Variants in RIC1 observed in about 807,000 individuals in gnomAD.
RIC1 encodes the protein guanine nucleotide exchange factor subunit RIC1.
RIC1 carries 88 observed loss-of-function variants against 169.0 expected under a neutral mutation model. That is an observed-to-expected ratio of 0.52 (90% CI 0.44 to 0.62). The LOEUF (loss-of-function observed/expected upper bound fraction) is 0.62. Among genes scored for constraint, RIC1 ranks in the 20% least tolerant of loss-of-function variants. The probability of loss-of-function intolerance (pLI) is 0.00; values close to 1 mark genes in which losing one functional copy is unlikely to be tolerated. For synonymous variants in RIC1, 790 were observed against 601.5 expected (o/e 1.31, Z -4.59); for missense variants, 1,877 against 1,725.5 (o/e 1.09, Z -1.56).
At chr9:5,720,572 T>C in intron 5 of RIC1, 42 bp from the exon 6 acceptor site, 1 of 1,537,114 alleles carries the variant, frequency 6.5e-7, no homozygotes, top group Non-Finnish European at 8.7e-7. Context: ...AGTAATTTAT[T>C]ATATTCTTAA....
In RIC1 at chr9:5,764,817, A is replaced by G. The variant is rs555936742; in HGVS notation, c.2842-597A>G. On this transcript the variant is annotated intron_variant, in intron 19 of 25. Transcript: ENST00000414202. ...CCTGACAATGTAATTTTTTTCTGCA[A>G]CAGAATTCCTAAGTTGCTATGGATT... Among the ~76,000 whole-genome samples the G allele has an allele frequency of 5.3e-5, 8 of 152,326 alleles. 1 individual carries two copies. In the South Asian group the frequency reaches 1.7e-3, roughly 32 times the overall value.
chr9:5,742,817 G>C, intron 8 of RIC1, 52 bp from the exon 9 acceptor site: 1 of 940,160 alleles, frequency 1.1e-6, no homozygotes, highest in Non-Finnish European at 1.5e-6. Flanking sequence ...AAAAAAACAA[G>C]TATTTCTGAA....
Position 5,746,131 on chromosome 9 carries a change from G to T in RIC1, c.1248+48G>T, listed in dbSNP as rs780121955. ...TTTTTTAGTGTCTTTTGTGTTAGAA[G>T]CTCAGACCCTTCTTTATGACATATG... On this transcript the variant is annotated intron_variant, in intron 11 of 25. Coordinates refer to ENST00000414202, the MANE Select transcript of RIC1 (RefSeq NM_020829.4). 4.8e-6 allele frequency: 7 copies of T among 1,473,160 alleles called. No homozygotes were observed. In the Admixed American group the frequency reaches 6.8e-5, roughly 14 times the overall value. The allele number at this position is 1,473,160 out of a possible 1,614,324, so 91.3% of individuals were successfully genotyped here. A position where few individuals can be genotyped will look rare whatever the true frequency, so the allele number is the denominator to read the frequency against.
At chr9:5,736,435 A>C (rs1482076647) in intron 7 of RIC1, among the ~76,000 whole-genome samples, 3 of 152,332 alleles carry the variant, frequency 2.0e-5, no homozygotes, top group South Asian at 4.1e-4. Context: ...AAACAAAATT[A>C]TCTCTCTGTA....
chr9:5,746,066 A>T lies in RIC1; in HGVS notation c.1231A>T (p.Thr411Ser). Residue 411 changes from threonine (T) to serine (S), a missense_variant, in exon 11 of 26, where the codon ACT (threonine) becomes TCT (serine). By Grantham distance (58) the Thr-to-Ser change is moderately conservative. Coordinates refer to ENST00000414202, the MANE Select transcript of RIC1 (RefSeq NM_020829.4). ...ATTTCAGTTTATTAAGAGTGTACTC[A>T]CTGTAAACCCTTGTATGGTAAGTAT... is the stretch of plus-strand genomic sequence containing the variant. Reference protein sequence around the residue: ...LLFQFIKSVLTVNPCMSNQEQ... With the variant: ...LLFQFIKSVLSVNPCMSNQEQ... 6.2e-7 allele frequency: 1 copy of T among 1,612,794 alleles called. No homozygotes were observed. Among genetic ancestry groups the T allele is most frequent in the Non-Finnish European group, 8.5e-7 (1 of 1,179,008 alleles).
At chr9:5,766,519 C>T (rs1826768400) in intron 21 of RIC1, among the ~76,000 whole-genome samples, 1 of 152,150 alleles carries the variant, frequency 6.6e-6, no homozygotes, top group African/African-American at 2.4e-5. Context: ...TCCCCCAAGT[C>T]CCCAAAGTCC....
intron 2 of RIC1, among the ~76,000 whole-genome samples, chr9:5,660,561 G>A (rs550047662): frequency 1.2e-4 from 18 of 152,224 alleles, no homozygotes; most frequent in African/African-American, 3.6e-4. Context: ...TGTGTGAGAC[G>A]GTATCTCATT....
Position 5,742,918 on chromosome 9 carries a change from CAATAGTGTTGT to C in RIC1, c.959_969del (p.Val320AspfsTer28). 6.2e-7 allele frequency: 1 copy of C among 1,612,926 alleles called. No homozygotes were observed. ...TTAAATTGATGAGATGGTCTCCTGA[CAATAGTGTTGT>C]AATAGTGACCTGGGAATACGGAGGC... On this transcript the variant is annotated frameshift_variant, in exon 9 of 26. Transcript: ENST00000414202. LOFTEE classifies it high-confidence loss of function.
chr9:5,698,815 T>G (rs1024805537), intron 3 of RIC1, among the ~76,000 whole-genome samples: 1 of 152,216 alleles, frequency 6.6e-6, no homozygotes, highest in Non-Finnish European at 1.5e-5. Context: ...TTCTGAATTA[T>G]GTAAATATAA....
intron 2 of RIC1, among the ~76,000 whole-genome samples, chr9:5,681,058 C>T (rs1820800833): frequency 6.6e-6 from 1 of 151,484 alleles, no homozygotes; most frequent in Non-Finnish European, 1.5e-5. Flanking sequence ...GATCTCCTGA[C>T]CTCGTGATCC....
intron 12 of RIC1, among the ~76,000 whole-genome samples, chr9:5,751,737 A>G (rs769650051): frequency 2.0e-5 from 3 of 152,238 alleles, no homozygotes; most frequent in Non-Finnish European, 2.9e-5. Context: ...AGTATAACAA[A>G]TAATTAGTAA....
chr9:5,763,681 C>T lies in RIC1; in HGVS notation c.2654C>T (p.Pro885Leu), dbSNP rs760286118. 6.2e-7 allele frequency: 1 copy of T among 1,614,158 alleles called. No individual in the cohort carries two copies. Among genetic ancestry groups the T allele is most frequent in the Admixed American group, 1.7e-5 (1 of 60,020 alleles). ...SREPIPDPLL[P>L]TVAKFITEFP... ...GAGCCCATTCCCGACCCTCTGCTTCCCACTGTGGCAAAATTTATCACTGAG... is the reference window on the plus strand; with the variant it reads ...GAGCCCATTCCCGACCCTCTGCTTCTCACTGTGGCAAAATTTATCACTGAG... The change falls in exon 19 of 26, where the codon CCC becomes CTC. Residue 885 changes from proline to leucine, a missense_variant. Transcript: ENST00000414202. The surrounding 1 kb of genome is among the most constrained non-coding windows in gnomAD (Gnocchi z 5.2).
At chr9:5,686,362 G>C (rs569546406) in intron 2 of RIC1, among the ~76,000 whole-genome samples, 372 of 152,098 alleles carry the variant, frequency 2.4e-3, no homozygotes, top group Non-Finnish European at 3.5e-3. Flanking sequence ...CAATAGCAAA[G>C]ACTTGAAACC....
chr9:5,701,365 C>T (rs1258494016), intron 3 of RIC1, among the ~76,000 whole-genome samples: 1 of 152,188 alleles, frequency 6.6e-6, no homozygotes. Context: ...AATCTCAGCA[C>T]TTTGGGAGGC....
chr9:5,774,283 G>A lies in RIC1; in HGVS notation c.*37G>A, dbSNP rs1470451366. On this transcript the variant is annotated 3_prime_UTR_variant, in exon 26 of 26. Transcript: ENST00000414202. ...CATCACAAAGGGGCAGTATTAATTA[G>A]CAGCAGCGTGCAGCTCAGTACGTTG... The A allele has an allele frequency of 3.9e-6, 6 of 1,540,432 alleles. No individual in the cohort carries two copies. The highest frequency in any genetic ancestry group is 1.4e-5 in the African/African-American group (1 of 73,298).
chr9:5,675,213 G>A (rs1435309697), intron 2 of RIC1, among the ~76,000 whole-genome samples: 1 of 152,156 alleles, frequency 6.6e-6, no homozygotes, highest in Non-Finnish European at 1.5e-5. Flanking sequence ...CTGGGCGAGT[G>A]GTTTGGCGGG....
chr9:5,769,209 C>T lies in RIC1; in HGVS notation c.3377C>T (p.Pro1126Leu), dbSNP rs148185224. The change falls in exon 22 of 26, where the codon CCA (proline) becomes CTA (leucine). Residue 1126 changes from proline to leucine, a missense_variant. Physicochemically the swap from Pro to Leu is moderately conservative, Grantham distance 98. Coordinates refer to ENST00000414202, the MANE Select transcript of RIC1 (RefSeq NM_020829.4). ...KDFLWPLPIIPASSISSPFKN... is the reference protein window; with the variant it reads ...KDFLWPLPIILASSISSPFKN... Reference sequence around the variant, plus strand: ...TTCCTGTGGCCACTTCCAATCATCCCAGCCTCTTCTATCAGTTCTCCTTTC... The same window carrying T: ...TTCCTGTGGCCACTTCCAATCATCCTAGCCTCTTCTATCAGTTCTCCTTTC... 16 of 1,614,118 alleles carry T rather than the reference C, an allele frequency of 9.9e-6. No individual in the cohort carries two copies. The highest frequency in any genetic ancestry group is 1.3e-5 in the Non-Finnish European group (15 of 1,179,974).
rs1414508808 is a variant in RIC1, at chr9:5,763,535, G to C, written c.2508G>C (p.Leu836=). 2 of 1,613,994 alleles carry C rather than the reference G, an allele frequency of 1.2e-6. No homozygotes were observed. Among genetic ancestry groups the C allele is most frequent in the South Asian group, 2.2e-5 (2 of 91,072 alleles). Residue 836 remains leucine (L), a synonymous_variant, in exon 19 of 26, where the codon CTG becomes CTC. Transcript: ENST00000414202. The surrounding 1 kb of genome is among the most constrained non-coding windows in gnomAD (Gnocchi z 5.2). ...TCCACCACATTCTACGTCAACTTCT[G>C]GTCAGAAACCTTGGGGAGCAAGCCT... ...IYLHHILRQL[L]VRNLGEQALL...
At chr9:5,743,601 C>A in intron 9 of RIC1, 88 bp from the exon 10 acceptor site, 2 of 1,056,832 alleles carry the variant, frequency 1.9e-6, no homozygotes, top group South Asian at 1.4e-5. Context: ...GGAGCAAAAT[C>A]CGTTTGATTT....
Sources: allele counts gnomAD v4.1 joint callset (sites outside exome capture counted in the v4.1 genomes callset), GRCh38; gene constraint gnomAD v4.1.1; non-coding constraint Gnocchi (gnomAD v3.1); transcripts MANE v1.5; gene names NCBI Gene and HGNC (gene_info 2026-07-23, HGNC 2026-07-21).